The following TRHDE variants were observed in gnomAD, a reference collection of about 807,000 sequenced individuals.
TRHDE encodes thyrotropin releasing hormone degrading enzyme.
TRHDE carries 72 observed loss-of-function variants against 125.7 expected under a neutral mutation model. The ratio of observed to expected loss-of-function variants is 0.57; its 90% CI spans 0.47 to 0.70. The LOEUF (loss-of-function observed/expected upper bound fraction) is 0.70, where lower values mean the gene tolerates loss of function less well. TRHDE is among the 30% of genes least tolerant of loss of function. TRHDE has a pLI of 0.00. For synonymous variants in TRHDE, 509 were observed against 509.1 expected (o/e 1.00, Z 0.00); for missense variants, 1,110 against 1,327.1 (o/e 0.84, Z 2.54).
chr12:72,628,629 C>G (rs1873357469), intron 15 of TRHDE, among the ~76,000 whole-genome samples: 1 of 151,788 alleles, frequency 6.6e-6, no homozygotes, highest in African/African-American at 2.4e-5. Flanking sequence ...ATTCTAACAT[C>G]AGAATATGTC....
At chr12:72,594,122 A>G (rs183900486) in intron 12 of TRHDE, among the ~76,000 whole-genome samples, 7 of 152,286 alleles carry the variant, frequency 4.6e-5, no homozygotes, top group Admixed American at 4.6e-4. Flanking sequence ...ACTAGTTTAC[A>G]GTCCCACCAA....
chr12:72,250,835 C>CAGAT (rs1279263530), intron 2 of TRHDE, among the ~76,000 whole-genome samples: 7 of 31,470 alleles, frequency 2.2e-4, no homozygotes, highest in Middle Eastern at 0.021. Context: ...ATATGACTTA[C>CAGAT]AGATATATAT....
intron 3 of TRHDE, among the ~76,000 whole-genome samples, chr12:72,384,998 T>C (rs565919443): frequency 6.6e-6 from 1 of 152,274 alleles, no homozygotes; most frequent in African/African-American, 2.4e-5. Flanking sequence ...AATACTATCT[T>C]GATCTTAATC....
chr12:72,614,669 C>A (rs186692534), intron 12 of TRHDE, among the ~76,000 whole-genome samples: 1 of 152,044 alleles, frequency 6.6e-6, no homozygotes, highest in Admixed American at 6.6e-5. Context: ...GTATGATGCT[C>A]CAAAGAATCT....
chr12:72,125,956 A>G (rs535516892), intron 2 of TRHDE, among the ~76,000 whole-genome samples: 2 of 152,306 alleles, frequency 1.3e-5, no homozygotes, highest in South Asian at 4.1e-4. Flanking sequence ...TTTGCAGAAC[A>G]GAGTATTAGA....
intron 1 of TRHDE, among the ~76,000 whole-genome samples, chr12:72,281,714 C>T (rs1879704132): frequency 6.6e-6 from 1 of 152,148 alleles, no homozygotes. Flanking sequence ...GCATGTCTTA[C>T]CTTTATGAAA....
chr12:72,292,612 A>G (rs1880130671), intron 2 of TRHDE, among the ~76,000 whole-genome samples: 1 of 152,156 alleles, frequency 6.6e-6, no homozygotes, highest in Non-Finnish European at 1.5e-5. Context: ...TCTACTACAT[A>G]ACAAAGGTCC....
At position 72,588,640 on chromosome 12, in the gene TRHDE, T is replaced by C. The variant is rs757204074; in HGVS notation, c.2321+13098T>C. Among the ~76,000 whole-genome samples, 98 of 152,258 alleles carry C rather than the reference T, an allele frequency of 6.4e-4. 2 individuals carry two copies. Among genetic ancestry groups the C allele is most frequent in the Admixed American group, 5.2e-4 (8 of 15,288 alleles). On this transcript the variant is annotated intron_variant, in intron 12 of 18. Coordinates refer to ENST00000261180, the MANE Select transcript of TRHDE (RefSeq NM_013381.3). The stretch of plus-strand genomic sequence containing the variant: ...GACTCTGTCTGCTCTGTTAAGAATA[T>C]ACTATGAGGGAATGAGTGTGGAAGC...
intron 2 of TRHDE, among the ~76,000 whole-genome samples, chr12:72,310,196 C>T (rs1424250598): frequency 6.6e-6 from 1 of 152,192 alleles, no homozygotes; most frequent in African/African-American, 2.4e-5. Context: ...CTATGTCTGA[C>T]TTTCTTCACC....
At chr12:72,407,405 A>G (rs1873311714) in intron 3 of TRHDE, among the ~76,000 whole-genome samples, 1 of 152,208 alleles carries the variant, frequency 6.6e-6, no homozygotes. Flanking sequence ...GAGTCACAGC[A>G]AGAGACGTGG....
Position 72,237,008 on chromosome 12 carries a change from C to T in TRHDE, n.279+131256C>T, listed in dbSNP as rs184055560. Among the ~76,000 whole-genome samples the T allele has an allele frequency of 9.1e-4, 138 of 152,192 alleles. 2 individuals are homozygous for T. Among genetic ancestry groups the T allele is most frequent in the African/African-American group, 3.2e-3 (131 of 41,540 alleles). On this transcript the variant is annotated intron_variant and non_coding_transcript_variant, in intron 2 of 4. Transcript: ENST00000548156. The stretch of plus-strand genomic sequence containing the variant: ...AGAAATGTTTCTTTATTTTATGTCT[C>T]TCTCCTCTTTTAAGTAAAATTGTTG...
At chr12:72,563,112 C>T in intron 9 of TRHDE, 72 bp downstream of exon 9, 1 of 1,118,096 alleles carries the variant, frequency 8.9e-7, no homozygotes, top group Non-Finnish European at 1.3e-6. Flanking sequence ...TTTCAAAGAG[C>T]ATTAATAACA....
intron 6 of TRHDE, among the ~76,000 whole-genome samples, chr12:72,534,740 G>A (rs1868763373): frequency 6.6e-6 from 1 of 151,986 alleles, no homozygotes; most frequent in African/African-American, 2.4e-5. Flanking sequence ...TATTAATGGT[G>A]GCAGTATAGC....
chr12:72,571,384 A>T (rs1003949093), intron 10 of TRHDE, among the ~76,000 whole-genome samples: 1 of 152,198 alleles, frequency 6.6e-6, no homozygotes, highest in African/African-American at 2.4e-5. Flanking sequence ...TGCAGATTTT[A>T]TCTACATGAT....
rs146296438 is a variant in TRHDE at position 72,180,358 on chromosome 12, A to C, written n.279+74606A>C. Among the ~76,000 whole-genome samples the C allele has an allele frequency of 2.0e-5, 3 of 152,218 alleles. No homozygotes were observed. In the East Asian group the frequency reaches 5.8e-4, roughly 29 times the overall value. On this transcript the variant is annotated intron_variant and non_coding_transcript_variant, in intron 2 of 4. Transcript: ENST00000548156. Reference sequence around the variant, plus strand: ...TAAGAATTAACATTAAAAACACTAGATTCCTGCCTTCTCTTGAAAAATTAG... The same window carrying C: ...TAAGAATTAACATTAAAAACACTAGCTTCCTGCCTTCTCTTGAAAAATTAG...
At chr12:72,532,182 G>T (rs900479646) in intron 6 of TRHDE, among the ~76,000 whole-genome samples, 6 of 151,574 alleles carry the variant, frequency 4.0e-5, no homozygotes, top group Admixed American at 6.6e-5. Context: ...ATATTTGTTT[G>T]TACTTTTCCT....
At chr12:72,341,475 C>A (rs527773508) in intron 2 of TRHDE, among the ~76,000 whole-genome samples, 2 of 152,086 alleles carry the variant, frequency 1.3e-5, no homozygotes, top group East Asian at 3.9e-4. Flanking sequence ...CTGTTATTTG[C>A]AAATAATTTT....
At chr12:72,175,882 A>G (rs1321398060) in intron 2 of TRHDE, among the ~76,000 whole-genome samples, 1 of 152,234 alleles carries the variant, frequency 6.6e-6, no homozygotes, top group Non-Finnish European at 1.5e-5. Flanking sequence ...CTGATCATAT[A>G]TTGCAGGCTG....
intron 1 of TRHDE, among the ~76,000 whole-genome samples, chr12:72,104,189 TC>T (rs1307909262): frequency 6.6e-6 from 1 of 152,158 alleles, no homozygotes; most frequent in Non-Finnish European, 1.5e-5. Flanking sequence ...CTCTTATATT[TC>T]CCTTTACCTG....
Sources: allele counts gnomAD v4.1 joint callset (sites outside exome capture counted in the v4.1 genomes callset), GRCh38; gene constraint gnomAD v4.1.1; transcripts MANE v1.5; gene names NCBI Gene and HGNC (gene_info 2026-07-23, HGNC 2026-07-21).